YES1: variants seen among roughly 807,000 people sequenced by gnomAD.
The protein encoded by YES1 is YES proto-oncogene 1, Src family tyrosine kinase.
A neutral mutation model predicts 70.4 loss-of-function variants in YES1; 39 were observed. The observed-to-expected ratio is 0.55, with a 90% CI of 0.43 to 0.72. The LOEUF (loss-of-function observed/expected upper bound fraction) is 0.72, where lower values mean the gene tolerates loss of function less well. YES1 is among the 30% of genes least tolerant of loss of function. The pLI is 0.00. For missense variants in YES1, 495 were observed against 644.8 expected (o/e 0.77, Z 2.52); for synonymous variants, 198 against 218.6 (o/e 0.91, Z 0.83).
chr18:758,632 G>C (rs1225685937), intron 1 of YES1, among the ~76,000 whole-genome samples: 1 of 151,984 alleles, frequency 6.6e-6, no homozygotes, highest in African/African-American at 2.4e-5. Flanking sequence ...TTTCCATTCA[G>C]GCTTTCCTTA....
At chr18:799,116 T>C (rs1414916791) in intron 1 of YES1, among the ~76,000 whole-genome samples, 1 of 152,204 alleles carries the variant, frequency 6.6e-6, no homozygotes, top group Non-Finnish European at 1.5e-5. Context: ...CGAATTAAGA[T>C]ACCATCGATG....
chr18:756,466 A>G (rs947322991), intron 2 of YES1, 91 bp downstream of exon 2: 41 of 1,474,142 alleles, frequency 2.8e-5, no homozygotes, highest in East Asian at 6.9e-5. Context: ...CTCAAGTAAG[A>G]TATCTTTCTT....
At chr18:770,269 T>C (rs75092764) in intron 1 of YES1, among the ~76,000 whole-genome samples, 7 of 21,414 alleles carry the variant, frequency 3.3e-4, no homozygotes, top group African/African-American at 8.6e-4. Flanking sequence ...CCCTTTTATC[T>C]TTTTTTTTTT....
chr18:799,680 G>A (rs569933538), intron 1 of YES1, among the ~76,000 whole-genome samples: 1 of 152,088 alleles, frequency 6.6e-6, no homozygotes, highest in East Asian at 1.9e-4. Context: ...TCCAGCCTGG[G>A]CAACAGAGCG....
At chr18:735,161 C>CAAAAAAAAAAAAAAAAAAAAAAA (rs71174281) in intron 10 of YES1, among the ~76,000 whole-genome samples, 37 of 110,646 alleles carry the variant, frequency 3.3e-4, no homozygotes, top group East Asian at 1.0e-3. Context: ...TGTCTCAAAG[C>CAAAAAAAAAAAAAAAAAAAAAAA]AAAAAAAAAA....
At chr18:759,467 C>CA (rs553625053) in intron 1 of YES1, among the ~76,000 whole-genome samples, 243 of 152,172 alleles carry the variant, frequency 1.6e-3, no homozygotes, top group African/African-American at 5.5e-3. Flanking sequence ...AACTCCGTCT[C>CA]AAAAAACAAA....
chr18:742,636 C>T (rs2080229056), intron 8 of YES1, among the ~76,000 whole-genome samples: 2 of 152,048 alleles, frequency 1.3e-5, no homozygotes, highest in South Asian at 4.1e-4. Flanking sequence ...TAAATGTGTA[C>T]AAACACTTTC....
At chr18:787,058 A>T (rs1905987620) in intron 1 of YES1, among the ~76,000 whole-genome samples, 1 of 125,980 alleles carries the variant, frequency 7.9e-6, no homozygotes, top group African/African-American at 2.9e-5. Flanking sequence ...TATGTTTTTT[A>T]AAAAACTGTG....
At chr18:727,877 G>C (rs145694809) in intron 11 of YES1, among the ~76,000 whole-genome samples, 43 of 152,234 alleles carry the variant, frequency 2.8e-4, no homozygotes, top group Non-Finnish European at 5.7e-4. Flanking sequence ...GGAAAAGTTA[G>C]CTGTCTGACT....
intron 2 of YES1, among the ~76,000 whole-genome samples, chr18:752,525 G>C (rs544472995): frequency 6.6e-6 from 1 of 152,308 alleles, no homozygotes; most frequent in South Asian, 2.1e-4. Context: ...TAGTGGGGCA[G>C]TGTTCTTCAT....
chr18:758,042 T>C (rs1904384515), intron 1 of YES1, among the ~76,000 whole-genome samples: 1 of 152,150 alleles, frequency 6.6e-6, no homozygotes. Flanking sequence ...AACAGAAATA[T>C]AATCTAAGTC....
chr18:778,603 C>T (rs1905502019), intron 1 of YES1, among the ~76,000 whole-genome samples: 2 of 152,126 alleles, frequency 1.3e-5, no homozygotes, highest in Admixed American at 6.5e-5. Flanking sequence ...TGGCATTTTG[C>T]CCAGATGGCT....
chr18:803,197 T>G (rs1437660613), intron 1 of YES1, among the ~76,000 whole-genome samples: 1 of 152,234 alleles, frequency 6.6e-6, no homozygotes, highest in East Asian at 1.9e-4. Flanking sequence ...GTTTTGCCAC[T>G]TCATTCCAGC....
intron 1 of YES1, among the ~76,000 whole-genome samples, chr18:766,907 T>C (rs1904937011): frequency 6.6e-6 from 1 of 152,238 alleles, no homozygotes; most frequent in African/African-American, 2.4e-5. Context: ...GTGATATTTC[T>C]CCCAGTTCAT....
chr18:791,258 A>C (rs1183066409), intron 1 of YES1, among the ~76,000 whole-genome samples: 1 of 151,276 alleles, frequency 6.6e-6, no homozygotes, highest in Non-Finnish European at 1.5e-5. Flanking sequence ...GAAGAAAAAA[A>C]AAAGAAAAAA....
At chr18:759,703 A>C (rs200788821) in intron 1 of YES1, among the ~76,000 whole-genome samples, 3 of 151,674 alleles carry the variant, frequency 2.0e-5, no homozygotes, top group South Asian at 2.1e-4. Context: ...CAATTTATTT[A>C]TTTCTTTTTT....
intron 11 of YES1, among the ~76,000 whole-genome samples, chr18:731,652 C>T (rs986271914): frequency 6.6e-6 from 1 of 152,126 alleles, no homozygotes; most frequent in Non-Finnish European, 1.5e-5. Context: ...ATTTCTCCTT[C>T]CCCCTAGAAA....
At chr18:747,831 C>G in intron 4 of YES1, 89 bp downstream of exon 4, 1 of 1,173,868 alleles carries the variant, frequency 8.5e-7, no homozygotes, top group Non-Finnish European at 1.2e-6. Flanking sequence ...GTATATAATT[C>G]TGTGTGTGTA....
intron 11 of YES1, among the ~76,000 whole-genome samples, chr18:728,391 AT>A (rs2080047125): frequency 6.6e-6 from 1 of 152,160 alleles, no homozygotes; most frequent in Non-Finnish European, 1.5e-5. Context: ...ATTTTACATA[AT>A]TTTAAAAATA....
Sources: allele counts gnomAD v4.1 joint callset (sites outside exome capture counted in the v4.1 genomes callset), GRCh38; gene constraint gnomAD v4.1.1; transcripts MANE v1.5; gene names NCBI Gene and HGNC (gene_info 2026-07-23, HGNC 2026-07-21).